ERICH1: variants seen among roughly 807,000 people sequenced by gnomAD.
The protein encoded by ERICH1 is glutamate-rich protein 1.
In ERICH1, 56 loss-of-function variants were observed where a neutral mutation model predicts 39.6. The observed-to-expected ratio is 1.41, with a 90% CI of 1.14 to 1.77. ERICH1 has a LOEUF of 1.77. Ranked by LOEUF, ERICH1 falls within the 40% of genes most tolerant of loss-of-function variation. The pLI, the probability that ERICH1 is intolerant of heterozygous loss-of-function variation, is 0.00. For synonymous variants in ERICH1, 313 were observed against 223.6 expected (o/e 1.40, Z -3.57); for missense variants, 826 against 575.4 (o/e 1.44, Z -4.45).
chr8:658,880 G>A (rs377441040), intron 3 of ERICH1, among the ~76,000 whole-genome samples: 2 of 152,190 alleles, frequency 1.3e-5, no homozygotes, highest in African/African-American at 2.4e-5. Context: ...CTCCCTGGCC[G>A]TCCTTCCTCT....
At chr8:618,794 A>G (rs1797097964) in intron 3 of ERICH1, among the ~76,000 whole-genome samples, 1 of 152,178 alleles carries the variant, frequency 6.6e-6, no homozygotes, top group South Asian at 2.1e-4. Flanking sequence ...GAGTACGCAG[A>G]CTGAGAGCGC....
At chr8:660,887 C>T (rs540322654), downstream of ERICH1, among the ~76,000 whole-genome samples, 15 of 152,224 alleles carry the variant, frequency 9.9e-5, no homozygotes, top group South Asian at 2.1e-3. Flanking sequence ...GGGCAGGCTC[C>T]GGGTTCCTGG....
At chr8:702,004 G>T (rs1274684829) in intron 2 of ERICH1, among the ~76,000 whole-genome samples, 1 of 149,208 alleles carries the variant, frequency 6.7e-6, no homozygotes, top group Non-Finnish European at 1.5e-5. Flanking sequence ...TTGAACCTGG[G>T]AGGCGGAGCT....
chr8:697,238 CTGCAAATG>C (rs376283854), intron 2 of ERICH1, among the ~76,000 whole-genome samples: 51 of 152,236 alleles, frequency 3.4e-4, no homozygotes, highest in African/African-American at 1.2e-3. Context: ...ATCCTGACAG[CTGCAAATG>C]GCCCCAGGGG....
chr8:708,684 T>TTTTTTTTGTG (rs1813936418), intron 2 of ERICH1, among the ~76,000 whole-genome samples: 1 of 45,202 alleles, frequency 2.2e-5, no homozygotes, highest in South Asian at 1.0e-3. Flanking sequence ...ATAATGAGTT[T>TTTTTTTTGTG]TTTTTTTTTT....
intron 1 of ERICH1, among the ~76,000 whole-genome samples, chr8:721,314 C>T (rs1466695362): frequency 6.6e-6 from 1 of 152,096 alleles, no homozygotes; most frequent in Non-Finnish European, 1.5e-5. Context: ...GTTTAAAATG[C>T]AAAATTGAAT....
At chr8:680,852 CCACTTCTGTGAGT>C (rs1424590519) in intron 3 of ERICH1, among the ~76,000 whole-genome samples, 1 of 152,230 alleles carries the variant, frequency 6.6e-6, no homozygotes, top group Non-Finnish European at 1.5e-5. Flanking sequence ...CCACCTGGCC[CCACTTCTGTGAGT>C]CCTGGGGTCT....
At chr8:632,784 G>A (rs897276722) in intron 3 of ERICH1, among the ~76,000 whole-genome samples, 3 of 152,202 alleles carry the variant, frequency 2.0e-5, no homozygotes, top group Non-Finnish European at 2.9e-5. Flanking sequence ...GCCCAAGTGG[G>A]TGACTTTGCC....
intron 5 of ERICH1, 144 bp from the exon 6 acceptor site, chr8:664,820 GT>G: frequency 1.6e-6 from 1 of 612,452 alleles, no homozygotes; most frequent in East Asian, 2.8e-5. Context: ...TGAAACTGAT[GT>G]TGAAAGTGAC....
rs559531322 is a variant in ERICH1, at chr8:709,239, G to A, written c.169+6622C>T. ...CAAGTGGTTTTGGTTGCTTGTAATTGAAGGGTCTAAATTGTCCAAGCAACT... is the reference window on the plus strand; with the variant it reads ...CAAGTGGTTTTGGTTGCTTGTAATTAAAGGGTCTAAATTGTCCAAGCAACT... On this transcript the variant is annotated intron_variant, in intron 2 of 5. Coordinates refer to ENST00000262109, the MANE Select transcript of ERICH1 (RefSeq NM_207332.3). Among the ~76,000 whole-genome samples, 4 of 152,264 alleles carry A rather than the reference G, an allele frequency of 2.6e-5. No homozygotes were observed. In the South Asian group the frequency reaches 6.2e-4, roughly 24 times the overall value.
chr8:683,778 G>A (rs376559340), intron 3 of ERICH1, among the ~76,000 whole-genome samples: 1 of 152,226 alleles, frequency 6.6e-6, no homozygotes. Flanking sequence ...ACCACCAAAG[G>A]AAAGGTTGGT....
chr8:635,291 G>A (rs1390678038), intron 3 of ERICH1, among the ~76,000 whole-genome samples: 1 of 152,168 alleles, frequency 6.6e-6, no homozygotes, highest in African/African-American at 2.4e-5. Context: ...GAAAACAGGC[G>A]TCTAAGTCTG....
At chr8:729,616 T>G (rs923091016) in intron 1 of ERICH1, among the ~76,000 whole-genome samples, 3 of 152,226 alleles carry the variant, frequency 2.0e-5, no homozygotes, top group Non-Finnish European at 2.9e-5. Flanking sequence ...AATATTTTCT[T>G]TCCCACCTAC....
intron 3 of ERICH1, among the ~76,000 whole-genome samples, chr8:620,531 G>C (rs1430147378): frequency 1.8e-4 from 28 of 152,000 alleles, no homozygotes; most frequent in Admixed American, 1.8e-3. Context: ...ACCTCCTATA[G>C]AAAAAGTATT....
chr8:670,243 C>T (rs992808223), intron 4 of ERICH1, among the ~76,000 whole-genome samples: 1 of 152,182 alleles, frequency 6.6e-6, no homozygotes, highest in Non-Finnish European at 1.5e-5. Context: ...TTCAAATTAC[C>T]TGGCGAAATG....
intron 2 of ERICH1, among the ~76,000 whole-genome samples, chr8:704,714 T>G (rs1169702228): frequency 6.6e-6 from 1 of 151,906 alleles, no homozygotes; most frequent in Non-Finnish European, 1.5e-5. Context: ...ATCCTTAGTT[T>G]CCAAAGTCAA....
chr8:653,281 G>A (rs774026339), intron 3 of ERICH1, among the ~76,000 whole-genome samples: 1 of 152,218 alleles, frequency 6.6e-6, no homozygotes, highest in Non-Finnish European at 1.5e-5. Context: ...ATGCCAGGAC[G>A]TCTATGTTTG....
intron 3 of ERICH1, chr8:656,767 C>A: frequency 1.0e-6 from 1 of 985,450 alleles, no homozygotes; most frequent in Non-Finnish European, 1.2e-6. Flanking sequence ...AGTGTTGTGC[C>A]AAACGGTGCA....
intron 2 of ERICH1, among the ~76,000 whole-genome samples, chr8:700,515 G>A (rs111779803): frequency 2.8e-5 from 1 of 35,410 alleles, no homozygotes; most frequent in African/African-American, 1.0e-4. Context: ...GGCCCGCACA[G>A]GCGCACAGGC....
Sources: gnomAD v4.1 joint callset for allele counts (sites outside exome capture counted in the v4.1 genomes callset) on GRCh38, gnomAD v4.1.1 for gene constraint, MANE v1.5 for transcripts, NCBI Gene and HGNC (gene_info 2026-07-23, HGNC 2026-07-21) for gene names.